Variants in KCTD1 observed in about 807,000 individuals in gnomAD.
KCTD1 encodes BTB/POZ domain-containing protein KCTD1.
In KCTD1, 24 loss-of-function variants were observed where a neutral mutation model predicts 66.0. The ratio of observed to expected loss-of-function variants is 0.36; its 90% CI spans 0.26 to 0.51. The LOEUF (loss-of-function observed/expected upper bound fraction) is 0.51. Ranked by LOEUF, KCTD1 falls within the 20% of genes least tolerant of loss-of-function variation. The probability of loss-of-function intolerance (pLI) is 0.95; values close to 1 mark genes in which losing one functional copy is unlikely to be tolerated. For synonymous variants in KCTD1, 511 were observed against 517.2 expected (o/e 0.99, Z 0.16); for missense variants, 943 against 1,205.2 (o/e 0.78, Z 3.22).
At chr18:26,576,337 A>G (rs752864476) in intron 1 of KCTD1, among the ~76,000 whole-genome samples, 3 of 152,208 alleles carry the variant, frequency 2.0e-5, no homozygotes, top group African/African-American at 4.8e-5. Context: ...GAATGGATCC[A>G]TCATCCATAT....
chr18:26,644,903 G>A (rs1375220117), upstream of KCTD1, among the ~76,000 whole-genome samples: 3 of 152,190 alleles, frequency 2.0e-5, no homozygotes, highest in Non-Finnish European at 4.4e-5. Flanking sequence ...GGAGATTGCT[G>A]AGCTGCAGAG....
At chr18:26,464,240 G>C (rs964206011) in intron 3 of KCTD1, among the ~76,000 whole-genome samples, 3 of 152,180 alleles carry the variant, frequency 2.0e-5, no homozygotes, top group Non-Finnish European at 1.5e-5. Flanking sequence ...TGGAGGCTCT[G>C]GGGACAAATC....
At chr18:26,531,459 T>C (rs1984430904) in intron 1 of KCTD1, among the ~76,000 whole-genome samples, 1 of 152,232 alleles carries the variant, frequency 6.6e-6, no homozygotes, top group African/African-American at 2.4e-5. Context: ...TATATGTGTA[T>C]ATACCCTTAA....
chr18:26,647,114 C>G (rs1379802792), intron 1 of KCTD1, among the ~76,000 whole-genome samples: 1 of 152,192 alleles, frequency 6.6e-6, no homozygotes, highest in Non-Finnish European at 1.5e-5. Flanking sequence ...TAGAAAACCA[C>G]CTGCACTTCT....
rs1235306240 is a variant in KCTD1 at position 26,468,282 on chromosome 18, A to G, written c.2133+8233T>C. 6.6e-6 allele frequency among the ~76,000 whole-genome samples: 1 copy of G among 152,240 alleles called. No individual in the cohort carries two copies. Among genetic ancestry groups the G allele is most frequent in the African/African-American group, 2.4e-5 (1 of 41,466 alleles). On this transcript the variant is annotated intron_variant, in intron 3 of 4. Transcript: ENST00000580059. The surrounding 1 kb of genome is among the most constrained non-coding windows in gnomAD (Gnocchi z 4.8). ...ACTTATGCAGAGAACAGATCTCAACAGCTTTCCATGGAAGCCAGGACAGGA... is the reference window on the plus strand; with the variant it reads ...ACTTATGCAGAGAACAGATCTCAACGGCTTTCCATGGAAGCCAGGACAGGA...
intron 3 of KCTD1, among the ~76,000 whole-genome samples, chr18:26,466,988 A>G (rs1234786337): frequency 6.6e-6 from 1 of 152,184 alleles, no homozygotes; most frequent in Admixed American, 6.5e-5. Flanking sequence ...GGAAACTCAA[A>G]TATAGTTGTG....
chr18:26,503,644 AG>A (rs1269933500), intron 1 of KCTD1, among the ~76,000 whole-genome samples: 1 of 152,148 alleles, frequency 6.6e-6, no homozygotes, highest in Admixed American at 6.5e-5. Flanking sequence ...ACAGATTTGC[AG>A]GGTTAATATT....
chr18:26,591,962 T>TAC (rs1568003068), intron 1 of KCTD1, among the ~76,000 whole-genome samples: 8 of 152,182 alleles, frequency 5.3e-5, no homozygotes, highest in African/African-American at 1.9e-4. Context: ...ATTGAACACA[T>TAC]GATACAATAC....
chr18:26,632,393 A>G (rs2145046840), upstream of KCTD1, among the ~76,000 whole-genome samples: 1 of 152,340 alleles, frequency 6.6e-6, no homozygotes, highest in Non-Finnish European at 1.5e-5. Flanking sequence ...CTTAAAAAAT[A>G]ATAATAAAAT....
chr18:26,498,686 G>A (rs1233872458), intron 2 of KCTD1, among the ~76,000 whole-genome samples: 2 of 151,834 alleles, frequency 1.3e-5, no homozygotes, highest in African/African-American at 2.4e-5. Flanking sequence ...ATAGCTGTAC[G>A]TGGCTACTGG....
chr18:26,587,779 A>G (rs770761517), intron 1 of KCTD1, among the ~76,000 whole-genome samples: 38 of 152,232 alleles, frequency 2.5e-4, no homozygotes, highest in Middle Eastern at 3.2e-3. Flanking sequence ...GGAAATAGCA[A>G]GAGAACTAGA....
intron 1 of KCTD1, among the ~76,000 whole-genome samples, chr18:26,621,358 G>T (rs1037838650): frequency 9.2e-5 from 14 of 152,008 alleles, no homozygotes; most frequent in African/African-American, 2.9e-4. Flanking sequence ...CTACCTGATG[G>T]TGCACGTTTC....
At chr18:26,563,533 T>C (rs947293138) in intron 1 of KCTD1, among the ~76,000 whole-genome samples, 1 of 152,238 alleles carries the variant, frequency 6.6e-6, no homozygotes, top group Non-Finnish European at 1.5e-5. Flanking sequence ...CTTTTTGGAA[T>C]GATTTCACAT....
chr18:26,547,721 C>A lies in KCTD1; in HGVS notation c.816G>T (p.Glu272Asp). 1.3e-6 allele frequency: 2 copies of A among 1,548,282 alleles called. No homozygotes were observed. The highest frequency in any genetic ancestry group is 1.7e-6 in the Non-Finnish European group (2 of 1,146,784). Residue 272 changes from glutamate to aspartate, a missense_variant, in exon 1 of 5, where the codon GAG becomes GAT. Around this residue, in one of 10 missense-constraint regions of KCTD1, gnomAD observed 61 missense variants for 109.6 expected, o/e 0.56. Transcript: ENST00000580059. ...TLAAVIRKLEEQGAGPVVQKQ... is the reference protein window; with the variant it reads ...TLAAVIRKLEDQGAGPVVQKQ... Reference sequence around the variant, plus strand: ...TCTGCACCACCGGCCCGGCGCCCTGCTCCTCGAGCTTGCGGATGACCGCGG... The same window carrying A: ...TCTGCACCACCGGCCCGGCGCCCTGATCCTCGAGCTTGCGGATGACCGCGG...
chr18:26,481,778 T>TCTGAAAAAATAATGATG (rs1981660253), intron 2 of KCTD1, among the ~76,000 whole-genome samples: 1 of 152,180 alleles, frequency 6.6e-6, no homozygotes, highest in Non-Finnish European at 1.5e-5. Context: ...CCTGGGCAAC[T>TCTGAAAAAATAATGATG]CTGAAAAAAT....
intron 1 of KCTD1, among the ~76,000 whole-genome samples, chr18:26,579,352 C>T (rs374831116): frequency 1.3e-5 from 2 of 152,236 alleles, no homozygotes; most frequent in South Asian, 2.1e-4. Flanking sequence ...GCAATCAAAA[C>T]ATATTTGGTG....
intron 1 of KCTD1, among the ~76,000 whole-genome samples, chr18:26,646,211 G>A (rs996253684): frequency 3.9e-5 from 6 of 152,144 alleles, no homozygotes; most frequent in East Asian, 1.9e-4. Context: ...ATGCTGTTAC[G>A]TCCCTCTGTT....
At chr18:26,469,176 T>G (rs915719474) in intron 3 of KCTD1, among the ~76,000 whole-genome samples, 20 of 152,016 alleles carry the variant, frequency 1.3e-4, no homozygotes, top group Non-Finnish European at 2.2e-4. Context: ...TTTTGTTTTT[T>G]TTTTTTTCCC....
intron 1 of KCTD1, among the ~76,000 whole-genome samples, chr18:26,527,498 G>A (rs867312631): frequency 1.3e-5 from 2 of 148,876 alleles, no homozygotes; most frequent in East Asian, 2.0e-4. Flanking sequence ...AAAAAGGGGG[G>A]GGGGCGTGGG....
Sources: allele counts gnomAD v4.1 joint callset (sites outside exome capture counted in the v4.1 genomes callset), GRCh38; gene constraint gnomAD v4.1.1; regional missense constraint gnomAD v4.1.1; non-coding constraint Gnocchi (gnomAD v3.1); transcripts MANE v1.5; gene names NCBI Gene and HGNC (gene_info 2026-07-23, HGNC 2026-07-21).